LPP: variants seen among roughly 807,000 people sequenced by gnomAD.
LPP encodes the protein lipoma-preferred partner.
LPP carries 38 observed loss-of-function variants against 60.4 expected under a neutral mutation model. The ratio of observed to expected loss-of-function variants is 0.63; its 90% CI spans 0.49 to 0.83. The LOEUF (loss-of-function observed/expected upper bound fraction) is 0.83, where lower values mean the gene tolerates loss of function less well. LPP is among the 40% of genes least tolerant of loss of function. The pLI, the probability that LPP is intolerant of heterozygous loss-of-function variation, is 0.00. For synonymous variants in LPP, 328 were observed against 290.8 expected, an observed-to-expected ratio of 1.13 and a Z score of -1.30; for missense variants, 902 against 783.6, an observed-to-expected ratio of 1.15 and a Z score of -1.80.
chr3:188,860,969 AC>A (rs1427542332), intron 9 of LPP, among the ~76,000 whole-genome samples: 3 of 152,044 alleles, frequency 2.0e-5, no homozygotes, highest in Admixed American at 1.3e-4. Flanking sequence ...GAATTAGGAG[AC>A]CTTTATTGTA....
chr3:188,874,473 C>T lies in LPP; in HGVS notation c.1833C>T (p.Asp611=). The T allele has an allele frequency of 6.2e-7, 1 of 1,613,878 alleles. No individual in the cohort carries two copies. Among genetic ancestry groups the T allele is most frequent in the Non-Finnish European group, 8.5e-7 (1 of 1,179,788 alleles). ...TGTTGACCGCCAAGGCGAGCACTGA[C>T]CTTTAGATTCAGTCACCTGTTCAGC... ...IRVLTAKAST[D]L is the part of the protein sequence containing the mutation. The change falls in exon 12 of 12, where the codon GAC becomes GAT. Residue 611 remains aspartate (D), a synonymous_variant. Coordinates refer to ENST00000617246, the MANE Select transcript of LPP (RefSeq NM_001375462.1).
chr3:188,240,696 T>G (rs1724202456), intron 2 of LPP, among the ~76,000 whole-genome samples: 1 of 152,276 alleles, frequency 6.6e-6, no homozygotes, highest in South Asian at 2.1e-4. Context: ...TCAGGTGGGA[T>G]AACACATCAA....
At chr3:188,171,955 G>A (rs997685861) in intron 1 of LPP, among the ~76,000 whole-genome samples, 2 of 152,236 alleles carry the variant, frequency 1.3e-5, no homozygotes, top group Non-Finnish European at 1.5e-5. Context: ...AGGGCATGAT[G>A]TGGGCTGGTG....
At chr3:188,282,990 G>A (rs1318159775) in intron 2 of LPP, among the ~76,000 whole-genome samples, 2 of 152,170 alleles carry the variant, frequency 1.3e-5, no homozygotes, top group Non-Finnish European at 1.5e-5. Context: ...GAGGCCTGAG[G>A]GGTTGGAAGG....
chr3:188,753,644 C>T (rs1728900998), intron 8 of LPP, among the ~76,000 whole-genome samples: 3 of 146,800 alleles, frequency 2.0e-5, no homozygotes, highest in Non-Finnish European at 3.0e-5. Context: ...TTTACTTTAC[C>T]TTAATTTCTC....
intron 7 of LPP, among the ~76,000 whole-genome samples, chr3:188,654,103 C>T (rs1452170709): frequency 1.3e-5 from 2 of 152,262 alleles, no homozygotes; most frequent in Non-Finnish European, 2.9e-5. Flanking sequence ...TCCTGAGGAC[C>T]TCATCATTAT....
chr3:188,854,456 C>T (rs1056098225), intron 9 of LPP, among the ~76,000 whole-genome samples: 15 of 149,710 alleles, frequency 1.0e-4, no homozygotes, highest in Admixed American at 6.6e-4. Context: ...GGAAGGGAAC[C>T]GCACAGTCAC....
rs1560308316 is a variant in LPP, at chr3:188,862,723, ATAAATAAATAAAT to A, written c.1411-3476_1411-3464del. 4.9e-3 allele frequency among the ~76,000 whole-genome samples: 520 copies of A among 105,896 alleles called. 9 individuals are homozygous for A. Among genetic ancestry groups the A allele is most frequent in the Admixed American group, 9.3e-3 (88 of 9,508 alleles). The allele number at this position is 105,896 out of a possible 152,430, so 69.5% of individuals were successfully genotyped here. A position where few individuals can be genotyped will look rare whatever the true frequency, so the allele number is the denominator to read the frequency against. On this transcript the variant is annotated intron_variant, in intron 9 of 11. Transcript: ENST00000617246. ...GCAACCCTACTAGACAAAAAAATAA[ATAAATAAATAAAT>A]AAAAGAAAAAAGAAAAGAAAGAAAG...
intron 4 of LPP, among the ~76,000 whole-genome samples, chr3:188,414,337 G>C (rs1411654851): frequency 6.6e-6 from 1 of 152,096 alleles, no homozygotes; most frequent in Non-Finnish European, 1.5e-5. Flanking sequence ...CAAAGGAAAT[G>C]CTCACAGGAA....
chr3:188,243,877 A>T (rs1725888072), intron 2 of LPP, among the ~76,000 whole-genome samples: 1 of 151,834 alleles, frequency 6.6e-6, no homozygotes, highest in African/African-American at 2.4e-5. Flanking sequence ...TTTTATTTTT[A>T]AAATTTTTAT....
At chr3:188,298,976 C>T (rs1260985489) in intron 2 of LPP, among the ~76,000 whole-genome samples, 1 of 152,254 alleles carries the variant, frequency 6.6e-6, no homozygotes, top group East Asian at 1.9e-4. Flanking sequence ...TACTCTTGCC[C>T]CAGGCCCTAA....
intron 3 of LPP, among the ~76,000 whole-genome samples, chr3:188,361,251 T>C (rs1769216355): frequency 6.6e-6 from 1 of 152,208 alleles, no homozygotes; most frequent in Non-Finnish European, 1.5e-5. Flanking sequence ...TTTCATATTC[T>C]GAACTTCTCA....
chr3:188,184,465 A>T (rs949203846), intron 1 of LPP, among the ~76,000 whole-genome samples: 5 of 152,208 alleles, frequency 3.3e-5, no homozygotes, highest in African/African-American at 2.4e-5. Flanking sequence ...CGAAGGATGC[A>T]TTCAATGAAC....
In LPP at chr3:188,760,209, T is replaced by C. The variant is rs778668452; in HGVS notation, c.1337T>C (p.Ile446Thr). The C allele has an allele frequency of 6.2e-7, 1 of 1,614,108 alleles. No individual in the cohort carries two copies. Among genetic ancestry groups the C allele is most frequent in the Admixed American group, 1.7e-5 (1 of 60,000 alleles). Residue 446 changes from isoleucine to threonine, a missense_variant, in exon 9 of 12, where the codon ATC becomes ACC. Coordinates refer to ENST00000617246, the MANE Select transcript of LPP (RefSeq NM_001375462.1). ...VFHVDCFTCI[I>T]CNNKLRGQPF... is the part of the protein sequence containing the mutation. ...CACGTGGATTGTTTTACCTGCATCA[T>C]CTGCAACAACAAGCTCCGAGGGCAG...
At chr3:188,857,633 TA>T (rs757014363) in intron 9 of LPP, among the ~76,000 whole-genome samples, 1 of 152,188 alleles carries the variant, frequency 6.6e-6, no homozygotes, top group Non-Finnish European at 1.5e-5. Flanking sequence ...ATTTGGGGTA[TA>T]ATAAGGTTTA....
At chr3:188,564,423 A>G (rs1222646321) in intron 6 of LPP, among the ~76,000 whole-genome samples, 2 of 152,066 alleles carry the variant, frequency 1.3e-5, no homozygotes, top group African/African-American at 2.4e-5. Context: ...GCAGAGAGAC[A>G]CAAAATAAAC....
chr3:188,665,457 C>CTTT (rs371444537), intron 7 of LPP, among the ~76,000 whole-genome samples: 2 of 87,054 alleles, frequency 2.3e-5, no homozygotes, highest in African/African-American at 8.5e-5. Context: ...TCTTCTTCTT[C>CTTT]TTCTTTTTTT....
intron 7 of LPP, among the ~76,000 whole-genome samples, chr3:188,680,895 A>G (rs1577001175): frequency 6.6e-6 from 1 of 152,090 alleles, no homozygotes; most frequent in South Asian, 2.1e-4. Flanking sequence ...CCTTGCATTC[A>G]TGAAGACTTT....
Position 188,484,707 on chromosome 3 carries a change from A to G in LPP, c.306+3A>G. ...ATGAAGAGGCTTTCAAAGTACAGGT[A>G]AGAGCTGAAGTTAAAGTCATGTTAG... On this transcript the variant is annotated splice_donor_region_variant and intron_variant, in intron 5 of 11. Coordinates refer to ENST00000617246, the MANE Select transcript of LPP (RefSeq NM_001375462.1). 1 of 1,595,192 alleles carries G rather than the reference A, an allele frequency of 6.3e-7. No individual in the cohort carries two copies.
Sources: gnomAD v4.1 joint callset for allele counts (sites outside exome capture counted in the v4.1 genomes callset) on GRCh38, gnomAD v4.1.1 for gene constraint, MANE v1.5 for transcripts, NCBI Gene and HGNC (gene_info 2026-07-23, HGNC 2026-07-21) for gene names.